Variants in PCDH9 observed in about 807,000 individuals in gnomAD.
The protein encoded by PCDH9 is protocadherin-9.
A neutral mutation model predicts 70.6 loss-of-function variants in PCDH9; 24 were observed. The ratio of observed to expected loss-of-function variants is 0.34; its 90% CI spans 0.25 to 0.48. The LOEUF (loss-of-function observed/expected upper bound fraction) is 0.48, where lower values mean the gene tolerates loss of function less well. PCDH9 is among the 20% of genes least tolerant of loss of function. PCDH9 has a pLI of 0.99. For missense variants in PCDH9, 1,281 were observed against 1,503.6 expected (o/e 0.85, Z 2.45); for synonymous variants, 562 against 558.5 (o/e 1.01, Z -0.09).
intron 2 of PCDH9, among the ~76,000 whole-genome samples, chr13:67,039,349 C>A (rs1037993178): frequency 6.6e-6 from 1 of 152,116 alleles, no homozygotes; most frequent in Non-Finnish European, 1.5e-5. Context: ...TACAGAATGG[C>A]AAGATGTAGA....
intron 4 of PCDH9, among the ~76,000 whole-genome samples, chr13:66,518,027 AAAG>A (rs1411976604): frequency 3.3e-5 from 5 of 152,198 alleles, no homozygotes; most frequent in Admixed American, 6.6e-5. Flanking sequence ...GGTAATTTAT[AAAG>A]AAGAGAGGTT....
intron 3 of PCDH9, chr13:66,879,993 C>T (rs1377103166): frequency 6.6e-6 from 1 of 151,966 alleles, no homozygotes; most frequent in Admixed American, 6.6e-5. Flanking sequence ...AACCAACACA[C>T]AAACAGAAGG....
intron 4 of PCDH9, among the ~76,000 whole-genome samples, chr13:66,372,907 CTA>C (rs1956682883): frequency 6.6e-6 from 1 of 151,860 alleles, no homozygotes; most frequent in Non-Finnish European, 1.5e-5. Flanking sequence ...AGGGTCAACA[CTA>C]TGATGGTTCT....
chr13:66,884,945 T>G (rs560262912), intron 3 of PCDH9, among the ~76,000 whole-genome samples: 6 of 152,318 alleles, frequency 3.9e-5, no homozygotes, highest in African/African-American at 1.2e-4. Flanking sequence ...CTTTACTGCC[T>G]GAATATTATT....
In PCDH9 at chr13:66,616,155, G is replaced by A. The variant is rs142871771; in HGVS notation, c.3340+15055C>T. On this transcript the variant is annotated intron_variant, in intron 4 of 4. Transcript: ENST00000377865. ...GATGTTACTTTCTGACAGTCTAGGA[G>A]CTCTAAGTTTATCTTGGGACCCTAA... Among the ~76,000 whole-genome samples, 194 of 152,310 alleles carry A rather than the reference G, an allele frequency of 1.3e-3. 1 individual carries two copies. The highest frequency in any genetic ancestry group is 4.5e-3 in the African/African-American group (185 of 41,570).
At chr13:66,829,990 G>A (rs940597745) in intron 3 of PCDH9, among the ~76,000 whole-genome samples, 1 of 151,628 alleles carries the variant, frequency 6.6e-6, no homozygotes, top group Non-Finnish European at 1.5e-5. Context: ...GTTGAGGTAA[G>A]CAAAATAAAA....
chr13:66,325,595 C>T (rs2138100694), intron 4 of PCDH9, among the ~76,000 whole-genome samples: 1 of 152,156 alleles, frequency 6.6e-6, no homozygotes, highest in South Asian at 2.1e-4. Context: ...TCCTGTACAT[C>T]ATTTCAGAAT....
intron 2 of PCDH9, among the ~76,000 whole-genome samples, chr13:67,184,650 G>C (rs2088702795): frequency 6.6e-6 from 1 of 152,128 alleles, no homozygotes; most frequent in Non-Finnish European, 1.5e-5. Context: ...AGGATCGCTT[G>C]AACCCAGGAG....
chr13:66,590,790 G>A (rs558369451), intron 4 of PCDH9, among the ~76,000 whole-genome samples: 5 of 151,642 alleles, frequency 3.3e-5, no homozygotes, highest in African/African-American at 1.2e-4. Flanking sequence ...TAACTCCCTA[G>A]ACTTAAAAAA....
chr13:66,843,112 C>G (rs978839569), intron 3 of PCDH9, among the ~76,000 whole-genome samples: 1 of 152,206 alleles, frequency 6.6e-6, no homozygotes, highest in Non-Finnish European at 1.5e-5. Flanking sequence ...GCCAGCTACA[C>G]ACAGGTGTGT....
intron 2 of PCDH9, chr13:67,221,534 A>T (rs2138117502): frequency 6.6e-6 from 1 of 152,254 alleles, no homozygotes; most frequent in Non-Finnish European, 1.5e-5. Context: ...GGATGTTTAA[A>T]GCTCTAAAAT....
intron 4 of PCDH9, among the ~76,000 whole-genome samples, chr13:66,565,471 T>A (rs2076639886): frequency 6.6e-6 from 1 of 152,182 alleles, no homozygotes; most frequent in Admixed American, 6.5e-5. Context: ...AGTAGTGGGA[T>A]CACAGTAACC....
chr13:66,879,021 G>C (rs2081873664), intron 3 of PCDH9, among the ~76,000 whole-genome samples: 1 of 152,144 alleles, frequency 6.6e-6, no homozygotes, highest in South Asian at 2.1e-4. Context: ...GCATAACAAG[G>C]AGGAGGTATC....
chr13:66,952,073 A>T (rs1333140683), intron 2 of PCDH9, among the ~76,000 whole-genome samples: 1 of 152,080 alleles, frequency 6.6e-6, no homozygotes, highest in Non-Finnish European at 1.5e-5. Flanking sequence ...GTTTCTCTGA[A>T]TTTTGTTGTA....
chr13:66,506,837 A>G (rs1035668946), intron 4 of PCDH9, among the ~76,000 whole-genome samples: 5 of 152,272 alleles, frequency 3.3e-5, no homozygotes, highest in African/African-American at 1.2e-4. Context: ...ATAATAGCCA[A>G]GAGGAAGAAA....
intron 2 of PCDH9, among the ~76,000 whole-genome samples, chr13:66,945,488 C>T (rs899638637): frequency 1.3e-5 from 2 of 152,148 alleles, no homozygotes; most frequent in Non-Finnish European, 2.9e-5. Flanking sequence ...TTTTTCCTCT[C>T]CTAAAATACT....
chr13:66,792,277 T>C (rs1353194767), intron 3 of PCDH9, among the ~76,000 whole-genome samples: 1 of 152,184 alleles, frequency 6.6e-6, no homozygotes, highest in Non-Finnish European at 1.5e-5. Flanking sequence ...CCATTAAAAA[T>C]GTTGTGAACA....
chr13:66,931,185 T>C (rs2082801703), intron 2 of PCDH9, among the ~76,000 whole-genome samples: 1 of 152,212 alleles, frequency 6.6e-6, no homozygotes. Flanking sequence ...GCATTATTTA[T>C]GAATAGAATG....
chr13:66,393,580 A>T (rs1363609942), intron 4 of PCDH9, among the ~76,000 whole-genome samples: 2 of 152,232 alleles, frequency 1.3e-5, no homozygotes, highest in Admixed American at 1.3e-4. Context: ...GCCAATGACC[A>T]TTCACTAACA....
Sources: gnomAD v4.1 joint callset for allele counts (sites outside exome capture counted in the v4.1 genomes callset) on GRCh38, gnomAD v4.1.1 for gene constraint, MANE v1.5 for transcripts, NCBI Gene and HGNC (gene_info 2026-07-23, HGNC 2026-07-21) for gene names.